The following EHBP1 variants were observed in gnomAD, a reference collection of about 807,000 sequenced individuals.
EHBP1 encodes the protein EH domain binding protein 1, also known as EH domain-binding protein 1.
Under a neutral mutation model 144.0 loss-of-function variants are expected in EHBP1, and 55 were observed. The ratio of observed to expected loss-of-function variants is 0.38; its 90% CI spans 0.31 to 0.48. The LOEUF (loss-of-function observed/expected upper bound fraction) is 0.48, where lower values mean the gene tolerates loss of function less well. Among genes scored for constraint, EHBP1 ranks in the 20% least tolerant of loss-of-function variants. EHBP1 has a pLI of 0.98. For missense variants in EHBP1, 1,200 were observed against 1,364.2 expected (o/e 0.88, Z 1.90); for synonymous variants, 469 against 472.7 (o/e 0.99, Z 0.10).
At chr2:62,967,983 A>G (rs2058323227) in intron 14 of EHBP1, among the ~76,000 whole-genome samples, 2 of 152,052 alleles carry the variant, frequency 1.3e-5, no homozygotes. Flanking sequence ...AGCACTCTTT[A>G]TAGTATAGCT....
At chr2:62,685,409 C>A (rs2033685339) in intron 1 of EHBP1, among the ~76,000 whole-genome samples, 1 of 152,010 alleles carries the variant, frequency 6.6e-6, no homozygotes, top group Non-Finnish European at 1.5e-5. Flanking sequence ...CATGCCCCTC[C>A]CCCAGCTTCT....
chr2:62,708,199 C>G (rs1158520359), intron 2 of EHBP1, among the ~76,000 whole-genome samples: 1 of 152,034 alleles, frequency 6.6e-6, no homozygotes, highest in Non-Finnish European at 1.5e-5. Flanking sequence ...TTGCTTTATT[C>G]TAGAACTCTT....
intron 15 of EHBP1, among the ~76,000 whole-genome samples, chr2:62,980,609 T>C (rs2058921164): frequency 6.6e-6 from 1 of 152,116 alleles, no homozygotes; most frequent in Non-Finnish European, 1.5e-5. Flanking sequence ...ATCTTCCATC[T>C]CATAAATTTG....
At chr2:62,792,651 A>G (rs1034833754) in intron 5 of EHBP1, among the ~76,000 whole-genome samples, 1 of 152,052 alleles carries the variant, frequency 6.6e-6, no homozygotes, top group African/African-American at 2.4e-5. Flanking sequence ...TGCTAATTTT[A>G]GGCTGCTACT....
chr2:62,737,008 G>T lies in EHBP1; in HGVS notation c.105-10387G>T, dbSNP rs549382684. On this transcript the variant is annotated intron_variant, in intron 2 of 22. Coordinates refer to ENST00000431489, the MANE Select transcript of EHBP1 (RefSeq NM_001142616.3). ...TTGGGGGAACATTCTATAGTCCTAT[G>T]ATTAAGTCTCAGTCTTTTAGCGAGC... Among the ~76,000 whole-genome samples the T allele has an allele frequency of 1.9e-4, 29 of 152,292 alleles. No homozygotes were observed. In the East Asian group the frequency reaches 5.4e-3, roughly 28 times the overall value.
chr2:62,821,591 G>A (rs889125102), intron 5 of EHBP1, among the ~76,000 whole-genome samples: 1 of 152,086 alleles, frequency 6.6e-6, no homozygotes, highest in Non-Finnish European at 1.5e-5. Flanking sequence ...GAGGTAGGAG[G>A]ATCGCTTGAG....
intron 2 of EHBP1, among the ~76,000 whole-genome samples, chr2:62,742,975 A>G (rs1312797410): frequency 6.6e-6 from 1 of 152,130 alleles, no homozygotes; most frequent in African/African-American, 2.4e-5. Flanking sequence ...ACCAGCATAA[A>G]GTAATATAAA....
chr2:62,836,459 T>A (rs2047265358), intron 7 of EHBP1, among the ~76,000 whole-genome samples: 1 of 140,526 alleles, frequency 7.1e-6, no homozygotes, highest in Non-Finnish European at 1.5e-5. Flanking sequence ...AGGAACGCAG[T>A]TCCTCACCAG....
At chr2:62,848,170 C>T (rs868269396) in intron 7 of EHBP1, among the ~76,000 whole-genome samples, 1 of 151,800 alleles carries the variant, frequency 6.6e-6, no homozygotes, top group African/African-American at 2.4e-5. Flanking sequence ...CCTCCACCTC[C>T]CAGGTTCAAG....
intron 5 of EHBP1, among the ~76,000 whole-genome samples, chr2:62,808,305 A>AT (rs901286597): frequency 6.1e-4 from 74 of 122,124 alleles, no homozygotes; most frequent in Middle Eastern, 8.8e-3. Context: ...TGGCTACTCT[A>AT]TTTTTTTTTC....
Position 62,820,212 on chromosome 2 carries a change from C to CA in EHBP1, c.313-5863dup, listed in dbSNP as rs1295094411. ...GGCAACAAGAGTGAAACTCTTGTCT[C>CA]AAAAAAAAAAAAGAAAAAAAAAAAA... On this transcript the variant is annotated intron_variant, in intron 5 of 22. Transcript: ENST00000431489. Among the ~76,000 whole-genome samples the CA allele has an allele frequency of 2.7e-3, 119 of 44,362 alleles. No individual in the cohort carries two copies. In the Middle Eastern group the frequency reaches 0.033, roughly 12 times the overall value. The allele number at this position is 44,362 out of a possible 152,430, so 29.1% of individuals were successfully genotyped here.
intron 7 of EHBP1, among the ~76,000 whole-genome samples, chr2:62,834,887 G>A (rs937399245): frequency 1.3e-4 from 20 of 152,218 alleles, no homozygotes; most frequent in African/African-American, 4.8e-4. Context: ...ATGGATTTTG[G>A]TATAGACAGG....
At chr2:62,685,458 T>C (rs2033686558) in intron 1 of EHBP1, among the ~76,000 whole-genome samples, 1 of 152,132 alleles carries the variant, frequency 6.6e-6, no homozygotes, top group African/African-American at 2.4e-5. Context: ...CCCAAGTCTG[T>C]GCCTTCATCT....
intron 19 of EHBP1, among the ~76,000 whole-genome samples, chr2:63,018,245 A>G (rs1163675725): frequency 6.6e-6 from 1 of 152,232 alleles, no homozygotes; most frequent in Non-Finnish European, 1.5e-5. Context: ...TTTCAATTTT[A>G]AAAACTGGTA....
At chr2:62,850,092 G>A (rs567300072) in intron 7 of EHBP1, among the ~76,000 whole-genome samples, 4 of 152,250 alleles carry the variant, frequency 2.6e-5, no homozygotes, top group African/African-American at 9.6e-5. Flanking sequence ...GGAGAATCAG[G>A]AGATGCTAGT....
At chr2:62,980,894 C>G (rs1169266604) in intron 15 of EHBP1, among the ~76,000 whole-genome samples, 1 of 146,134 alleles carries the variant, frequency 6.8e-6, no homozygotes, top group Non-Finnish European at 1.5e-5. Context: ...AACCAACTCA[C>G]GCCCACTAAA....
chr2:62,851,813 A>T (rs551444518), intron 7 of EHBP1, among the ~76,000 whole-genome samples: 10 of 151,852 alleles, frequency 6.6e-5, no homozygotes, highest in African/African-American at 2.2e-4. Context: ...TGAAGTAGGG[A>T]TTTACTTAAG....
chr2:62,785,944 TC>T (rs2042773315), intron 5 of EHBP1, among the ~76,000 whole-genome samples: 1 of 152,192 alleles, frequency 6.6e-6, no homozygotes, highest in Admixed American at 6.5e-5. Context: ...ATCTCATTTT[TC>T]TGACCTTTCT....
intron 1 of EHBP1, among the ~76,000 whole-genome samples, chr2:62,676,479 A>G (rs1476676770): frequency 6.6e-6 from 1 of 152,230 alleles, no homozygotes; most frequent in Non-Finnish European, 1.5e-5. Context: ...AGTGATGGTC[A>G]CCTAATTTGA....
Sources: allele counts gnomAD v4.1 joint callset (sites outside exome capture counted in the v4.1 genomes callset), GRCh38; gene constraint gnomAD v4.1.1; transcripts MANE v1.5; gene names NCBI Gene and HGNC (gene_info 2026-07-23, HGNC 2026-07-21).